MAP3K5: variants seen among roughly 807,000 people sequenced by gnomAD.
MAP3K5 encodes the protein ASK-1.
MAP3K5 carries 56 observed loss-of-function variants against 158.7 expected under a neutral mutation model. That is an observed-to-expected ratio of 0.35 (90% CI 0.28 to 0.44). The LOEUF is 0.44. Ranked by LOEUF, MAP3K5 falls within the 20% of genes least tolerant of loss-of-function variation. The pLI, the probability that MAP3K5 is intolerant of heterozygous loss-of-function variation, is 1.00. For synonymous variants in MAP3K5, 579 were observed against 601.7 expected, an observed-to-expected ratio of 0.96 and a Z score of 0.55; for missense variants, 1,294 against 1,674.8, an observed-to-expected ratio of 0.77 and a Z score of 3.97.
chr6:136,600,386 G>T (rs1455110689), intron 21 of MAP3K5, among the ~76,000 whole-genome samples: 1 of 151,674 alleles, frequency 6.6e-6, no homozygotes, highest in African/African-American at 2.4e-5. Context: ...AGAGATGGGG[G>T]TCTCACCATA....
At chr6:136,694,991 G>T (rs1360533250) in intron 6 of MAP3K5, among the ~76,000 whole-genome samples, 9 of 152,078 alleles carry the variant, frequency 5.9e-5, no homozygotes, top group Non-Finnish European at 8.8e-5. Context: ...GTCCAGAATA[G>T]GCAAATCTGT....
At chr6:136,590,119 T>C (rs2129080013) in intron 23 of MAP3K5, among the ~76,000 whole-genome samples, 1 of 152,254 alleles carries the variant, frequency 6.6e-6, no homozygotes, top group African/African-American at 2.4e-5. Flanking sequence ...TCTCCTTGTC[T>C]CTCTCTTTTT....
intron 1 of MAP3K5, 51 bp from the exon 2 acceptor site, chr6:136,720,640 A>T: frequency 7.0e-7 from 1 of 1,428,618 alleles, no homozygotes; most frequent in South Asian, 1.3e-5. Context: ...AATAATGCCC[A>T]ATCAGCACAT....
chr6:136,717,983 A>C (rs560067720), intron 2 of MAP3K5, among the ~76,000 whole-genome samples: 1 of 152,372 alleles, frequency 6.6e-6, no homozygotes, highest in East Asian at 1.9e-4. Context: ...GAACACACTC[A>C]GCAGGAATAT....
chr6:136,629,656 T>G (rs1446965228), intron 14 of MAP3K5, among the ~76,000 whole-genome samples: 36 of 152,096 alleles, frequency 2.4e-4, no homozygotes, highest in African/African-American at 8.7e-4. Flanking sequence ...GGCTTTCACC[T>G]TGTTAGCCAG....
chr6:136,724,726 T>C (rs1204920612), intron 1 of MAP3K5, among the ~76,000 whole-genome samples: 1 of 152,218 alleles, frequency 6.6e-6, no homozygotes, highest in Non-Finnish European at 1.5e-5. Context: ...TTTTTTCTAT[T>C]TCAAATTCAA....
At chr6:136,690,696 A>G (rs1001796222) in intron 7 of MAP3K5, among the ~76,000 whole-genome samples, 2 of 152,118 alleles carry the variant, frequency 1.3e-5, no homozygotes, top group African/African-American at 2.4e-5. Flanking sequence ...GGAGTTATTT[A>G]TATATACTGA....
rs1383680033 is a variant in MAP3K5, at chr6:136,651,053, A to G, written c.1719T>C (p.Ser573=). Residue 573 remains serine (S), a synonymous_variant, in exon 11 of 30, where the codon TCT becomes TCC. Transcript: ENST00000359015. ...CAACTTCATTGTTGATAGACAAATAAGAAGGTTGATAGATTTTGGTTGGTT... is the reference window on the plus strand; with the variant it reads ...CAACTTCATTGTTGATAGACAAATAGGAAGGTTGATAGATTTTGGTTGGTT... ...ILEPTKIYQP[S]YLSINNEVEE... is the part of the protein sequence containing the mutation. The G allele has an allele frequency of 6.2e-7, 1 of 1,610,980 alleles. No individual in the cohort carries two copies. The highest frequency in any genetic ancestry group is 8.5e-7 in the Non-Finnish European group (1 of 1,178,014).
intron 24 of MAP3K5, 35 bp from the exon 25 acceptor site, chr6:136,580,441 T>G: frequency 7.4e-7 from 1 of 1,355,976 alleles, no homozygotes; most frequent in Non-Finnish European, 1.1e-6. Context: ...TACTTTAATT[T>G]TTAATTGCAA....
At chr6:136,589,059 G>C (rs1428876433) in intron 23 of MAP3K5, among the ~76,000 whole-genome samples, 1 of 152,202 alleles carries the variant, frequency 6.6e-6, no homozygotes, top group East Asian at 1.9e-4. Context: ...GAATTCCTAA[G>C]GCGATAAAAT....
rs1432535156 is a variant in MAP3K5, at chr6:136,698,514, A to G, written c.781T>C (p.Leu261=). The part of the protein sequence containing the change: ...LPLVDRFIQL[L]KVAQASSSQY... ...CTAGAACTTGCTTGTGCCACCTTCAAAAGTTGAATAAAACGATCCACAAGA... is the reference window on the plus strand; with the variant it reads ...CTAGAACTTGCTTGTGCCACCTTCAGAAGTTGAATAAAACGATCCACAAGA... Residue 261 remains leucine, a synonymous_variant, in exon 4 of 30, where the codon TTG becomes CTG. Transcript: ENST00000359015. 1 of 1,613,720 alleles carries G rather than the reference A, an allele frequency of 6.2e-7. No homozygotes were observed. Among genetic ancestry groups the G allele is most frequent in the African/African-American group, 1.3e-5 (1 of 74,934 alleles).
chr6:136,744,287 CTG>C (rs1782838524), intron 1 of MAP3K5, among the ~76,000 whole-genome samples: 1 of 152,188 alleles, frequency 6.6e-6, no homozygotes, highest in South Asian at 2.1e-4. Flanking sequence ...TGGGCAGTCT[CTG>C]TACCTTCTGC....
intron 1 of MAP3K5, among the ~76,000 whole-genome samples, chr6:136,783,097 A>C (rs1192814238): frequency 6.6e-6 from 1 of 152,168 alleles, no homozygotes; most frequent in Non-Finnish European, 1.5e-5. Context: ...TGAGTCCAGG[A>C]GTTTGAGACC....
Position 136,613,198 on chromosome 6 carries a change from T to A in MAP3K5, c.2337A>T (p.Thr779=). The A allele has an allele frequency of 6.2e-7, 1 of 1,613,282 alleles. No individual in the cohort carries two copies. Among genetic ancestry groups the A allele is most frequent in the Non-Finnish European group, 8.5e-7 (1 of 1,179,470 alleles). Residue 779 remains threonine, a synonymous_variant, in exon 17 of 30, where the codon ACA becomes ACT. Coordinates refer to ENST00000359015, the MANE Select transcript of MAP3K5 (RefSeq NM_005923.4). The surrounding 1 kb of genome is among the most constrained non-coding windows in gnomAD (Gnocchi z 4.0). ...KWGPLKDNEQ[T]IGFYTKQILE... ...GTATTTGCTTTGTATAAAAGCCAATTGTTTGCTCATTGTCTTTTAATGGAC... is the reference window on the plus strand; with the variant it reads ...GTATTTGCTTTGTATAAAAGCCAATAGTTTGCTCATTGTCTTTTAATGGAC...
At chr6:136,649,629 G>T (rs1468730550) in intron 11 of MAP3K5, among the ~76,000 whole-genome samples, 1 of 152,154 alleles carries the variant, frequency 6.6e-6, no homozygotes, top group Non-Finnish European at 1.5e-5. Context: ...CCTCCCAAAT[G>T]ATTACTCCCA....
intron 5 of MAP3K5, 26 bp downstream of exon 5, chr6:136,697,193 A>G (rs753754062): frequency 6.3e-7 from 1 of 1,595,374 alleles, no homozygotes; most frequent in South Asian, 1.1e-5. Flanking sequence ...TACACAACAA[A>G]GATTTCACTT....
At chr6:136,579,734 G>A (rs1186873718) in intron 25 of MAP3K5, 2 of 449,082 alleles carry the variant, frequency 4.5e-6, no homozygotes, top group Non-Finnish European at 8.9e-6. Flanking sequence ...GTTAGGCTAA[G>A]GGGTATGTGC....
intron 7 of MAP3K5, among the ~76,000 whole-genome samples, chr6:136,690,813 T>C (rs1562616586): frequency 1.3e-5 from 2 of 152,192 alleles, no homozygotes; most frequent in Non-Finnish European, 2.9e-5. Flanking sequence ...ATATGCTTTT[T>C]CCTATAGATC....
At chr6:136,707,559 G>T (rs988148411) in intron 2 of MAP3K5, among the ~76,000 whole-genome samples, 8 of 116,838 alleles carry the variant, frequency 6.8e-5, no homozygotes, top group African/African-American at 2.8e-4. Context: ...GAGGTACTTG[G>T]GGGGGGGGGG....
Sources: gnomAD v4.1 joint callset for allele counts (sites outside exome capture counted in the v4.1 genomes callset) on GRCh38, gnomAD v4.1.1 for gene constraint, Gnocchi (gnomAD v3.1) non-coding constraint, MANE v1.5 for transcripts, NCBI Gene and HGNC (gene_info 2026-07-23, HGNC 2026-07-21) for gene names.